Variants in CAMTA1 observed in about 807,000 individuals in gnomAD.
CAMTA1 encodes calmodulin-binding transcription activator 1.
A neutral mutation model predicts 170.9 loss-of-function variants in CAMTA1; 27 were observed. That is an observed-to-expected ratio of 0.16 (90% CI 0.12 to 0.22). The LOEUF is 0.22. Ranked by LOEUF, CAMTA1 falls within the 10% of genes least tolerant of loss-of-function variation. The pLI, the probability that CAMTA1 is intolerant of heterozygous loss-of-function variation, is 1.00. For synonymous variants in CAMTA1, 833 were observed against 891.5 expected (o/e 0.93, Z 1.17); for missense variants, 1,619 against 2,217.2 (o/e 0.73, Z 5.42).
intron 1 of CAMTA1, among the ~76,000 whole-genome samples, chr1:6,805,875 GT>G (rs777760208): frequency 6.7e-6 from 1 of 150,034 alleles, no homozygotes; most frequent in Admixed American, 6.6e-5. Flanking sequence ...CCATTTATCT[GT>G]TTTTTTGTTT....
chr1:7,763,688 A>C (rs962655980), intron 22 of CAMTA1, among the ~76,000 whole-genome samples: 6 of 152,254 alleles, frequency 3.9e-5, no homozygotes, highest in African/African-American at 1.4e-4. Context: ...GTATGAAACC[A>C]CATAAAACAT....
chr1:7,046,018 T>TTCA (rs1439277490), intron 3 of CAMTA1, among the ~76,000 whole-genome samples: 3 of 147,824 alleles, frequency 2.0e-5, no homozygotes, highest in African/African-American at 7.9e-5. Context: ...CCAGCTCTTC[T>TTCA]GAAAGGGCCT....
intron 3 of CAMTA1, among the ~76,000 whole-genome samples, chr1:7,082,506 G>C (rs540314812): frequency 3.5e-4 from 51 of 147,510 alleles, no homozygotes; most frequent in African/African-American, 1.3e-3. Context: ...AGCTCTTTGT[G>C]TGGCTCCCAT....
At chr1:7,137,867 G>A (rs1645631145) in intron 4 of CAMTA1, among the ~76,000 whole-genome samples, 1 of 152,222 alleles carries the variant, frequency 6.6e-6, no homozygotes, top group African/African-American at 2.4e-5. Flanking sequence ...CCATCTGGGG[G>A]CTGCTGTGTC....
At chr1:6,820,380 T>G (rs1216660892) in intron 2 of CAMTA1, 130 bp downstream of exon 2, 1 of 794,792 alleles carries the variant, frequency 1.3e-6, no homozygotes, top group Non-Finnish European at 2.1e-6. Context: ...TTAACTGCTG[T>G]GTGATCTTAG....
chr1:7,022,757 G>A (rs1701542774), intron 3 of CAMTA1, among the ~76,000 whole-genome samples: 1 of 152,208 alleles, frequency 6.6e-6, no homozygotes, highest in South Asian at 2.1e-4. Flanking sequence ...TCTGGGGGAA[G>A]GAGGAGCTCC....
chr1:7,660,734 C>T (rs1303197771), intron 7 of CAMTA1, among the ~76,000 whole-genome samples: 1 of 152,184 alleles, frequency 6.6e-6, no homozygotes, highest in Non-Finnish European at 1.5e-5. Context: ...AAGGACATTG[C>T]TCTTGTATCG....
At chr1:7,057,720 C>T (rs1018719365) in intron 3 of CAMTA1, among the ~76,000 whole-genome samples, 1 of 152,246 alleles carries the variant, frequency 6.6e-6, no homozygotes, top group African/African-American at 2.4e-5. Flanking sequence ...CTGACAACAT[C>T]TGGGTTGAAA....
At chr1:6,909,868 T>A (rs1679337233) in intron 3 of CAMTA1, among the ~76,000 whole-genome samples, 1 of 152,232 alleles carries the variant, frequency 6.6e-6, no homozygotes, top group Non-Finnish European at 1.5e-5. Context: ...TGGTGACTTT[T>A]GGCTTTGGCC....
At chr1:7,478,405 C>T (rs1049512774) in intron 6 of CAMTA1, among the ~76,000 whole-genome samples, 1 of 152,184 alleles carries the variant, frequency 6.6e-6, no homozygotes, top group African/African-American at 2.4e-5. Flanking sequence ...CCTCTCTGCT[C>T]CACACCATCC....
chr1:7,296,395 C>T (rs1178335481), intron 5 of CAMTA1, among the ~76,000 whole-genome samples: 1 of 152,178 alleles, frequency 6.6e-6, no homozygotes, highest in African/African-American at 2.4e-5. Flanking sequence ...CATTGCTCTG[C>T]CTTTTAGTTG....
At chr1:7,442,141 T>A (rs1013135838) in intron 5 of CAMTA1, among the ~76,000 whole-genome samples, 2 of 152,174 alleles carry the variant, frequency 1.3e-5, no homozygotes, top group African/African-American at 4.8e-5. Context: ...TTCATCTGCA[T>A]CAAAGTGAGA....
intron 4 of CAMTA1, among the ~76,000 whole-genome samples, chr1:7,111,807 C>G (rs1226517797): frequency 6.6e-6 from 1 of 150,752 alleles, no homozygotes; most frequent in African/African-American, 2.5e-5. Flanking sequence ...ATCACTTGAA[C>G]CCGGGAGGTG....
At chr1:6,884,203 A>G (rs982125817) in intron 3 of CAMTA1, among the ~76,000 whole-genome samples, 2 of 151,682 alleles carry the variant, frequency 1.3e-5, no homozygotes, top group Non-Finnish European at 2.9e-5. Flanking sequence ...GAAGGAGGGG[A>G]CACCATGGCA....
At chr1:7,102,465 A>G (rs1441450081) in intron 4 of CAMTA1, among the ~76,000 whole-genome samples, 1 of 152,132 alleles carries the variant, frequency 6.6e-6, no homozygotes, top group Non-Finnish European at 1.5e-5. Flanking sequence ...CCTGCGATGG[A>G]ATTGAATTTG....
chr1:6,965,136 A>C lies in CAMTA1; in HGVS notation c.235-126168A>C, dbSNP rs1454486035. Among the ~76,000 whole-genome samples, 1 of 152,146 alleles carries C rather than the reference A, an allele frequency of 6.6e-6. No individual in the cohort carries two copies. The highest frequency in any genetic ancestry group is 1.5e-5 in the Non-Finnish European group (1 of 68,022). ...CAGCGGAAGGGCTGTATTTCTGGTG[A>C]GATGTATTAATATGTGAAAGCCACT... On this transcript the variant is annotated intron_variant, in intron 3 of 22. Transcript: ENST00000303635. This position sits in a 1 kb window ranked among gnomAD's most constrained non-coding sequence, Gnocchi z 4.1.
chr1:7,221,546 G>A (rs1660767281), intron 4 of CAMTA1, among the ~76,000 whole-genome samples: 1 of 152,134 alleles, frequency 6.6e-6, no homozygotes, highest in South Asian at 2.1e-4. Flanking sequence ...GATGGGACTT[G>A]ATTCTTCTTT....
intron 4 of CAMTA1, among the ~76,000 whole-genome samples, chr1:7,186,270 C>T (rs944595796): frequency 6.6e-6 from 1 of 152,064 alleles, no homozygotes; most frequent in Non-Finnish European, 1.5e-5. Flanking sequence ...ACTATTTTTG[C>T]CAATTTTCTG....
intron 3 of CAMTA1, among the ~76,000 whole-genome samples, chr1:6,901,684 G>A (rs1571528944): frequency 6.6e-6 from 1 of 152,056 alleles, no homozygotes; most frequent in African/African-American, 2.4e-5. Context: ...CAGTTACTAG[G>A]GTATCTTCCC....
Sources: allele counts gnomAD v4.1 joint callset (sites outside exome capture counted in the v4.1 genomes callset), GRCh38; gene constraint gnomAD v4.1.1; non-coding constraint Gnocchi (gnomAD v3.1); transcripts MANE v1.5; gene names NCBI Gene and HGNC (gene_info 2026-07-23, HGNC 2026-07-21).